The following PTPRJ variants were observed in gnomAD, a reference collection of about 807,000 sequenced individuals.
The protein encoded by PTPRJ is protein tyrosine phosphatase receptor type J.
A neutral mutation model predicts 141.3 loss-of-function variants in PTPRJ; 129 were observed. The ratio of observed to expected loss-of-function variants is 0.91; its 90% CI spans 0.79 to 1.06. PTPRJ has a LOEUF of 1.06. Ranked by LOEUF, PTPRJ falls within the 50% of genes least tolerant of loss-of-function variation. PTPRJ has a pLI of 0.00. For synonymous variants in PTPRJ, 610 were observed against 640.5 expected (o/e 0.95, Z 0.72); for missense variants, 1,601 against 1,679.7 (o/e 0.95, Z 0.82).
intron 3 of PTPRJ, among the ~76,000 whole-genome samples, chr11:48,115,846 C>CA (rs1224495382): frequency 1.3e-5 from 2 of 152,114 alleles, no homozygotes; most frequent in Admixed American, 6.5e-5. Context: ...TCAAAGTTGT[C>CA]ATCAGCATAA....
intron 8 of PTPRJ, chr11:48,132,745 A>T (rs1306687777): frequency 1.7e-5 from 16 of 964,224 alleles, no homozygotes; most frequent in Non-Finnish European, 1.8e-5. Context: ...TGAAACACAC[A>T]TGAAATGAGT....
intron 1 of PTPRJ, among the ~76,000 whole-genome samples, chr11:48,096,050 G>A (rs1323458660): frequency 6.6e-6 from 1 of 152,174 alleles, no homozygotes; most frequent in African/African-American, 2.4e-5. Context: ...ACTCAGCCCT[G>A]ACTCCCACAG....
chr11:47,989,342 C>T lies in PTPRJ; in HGVS notation c.96+8334C>T, dbSNP rs542182962. On this transcript the variant is annotated intron_variant, in intron 1 of 24. Transcript: ENST00000418331. ...AGTGCAATGGCGTGATCTTGGCTCA[C>T]TGCAACCTCCACCTCCCAGGTTCAA... is the stretch of plus-strand genomic sequence containing the variant. Among the ~76,000 whole-genome samples the T allele has an allele frequency of 8.9e-4, 135 of 151,566 alleles. 2 individuals carry two copies. In the Middle Eastern group the frequency reaches 0.01, roughly 12 times the overall value.
At position 48,076,750 on chromosome 11, in the gene PTPRJ, G is replaced by A. The variant is rs1476738477; in HGVS notation, c.97-33308G>A. Among the ~76,000 whole-genome samples the A allele has an allele frequency of 3.4e-5, 5 of 146,244 alleles. No individual in the cohort carries two copies. The South Asian group carries it at 6.4e-4, about 19-fold the overall frequency. ...AGGGGGAGGGTTACAAAATATCTGC[G>A]CCTTTAAGATATCAAACATAAGCCA... On this transcript the variant is annotated intron_variant, in intron 1 of 24. Coordinates refer to ENST00000418331, the MANE Select transcript of PTPRJ (RefSeq NM_002843.4).
intron 1 of PTPRJ, among the ~76,000 whole-genome samples, chr11:48,036,820 A>T (rs1448894805): frequency 6.6e-6 from 1 of 152,166 alleles, no homozygotes; most frequent in Non-Finnish European, 1.5e-5. Context: ...TCTCCCAGAG[A>T]AACCAGGCAG....
intron 1 of PTPRJ, among the ~76,000 whole-genome samples, chr11:48,028,896 T>C (rs1853900997): frequency 6.6e-6 from 1 of 152,194 alleles, no homozygotes; most frequent in African/African-American, 2.4e-5. Flanking sequence ...TTTAGATCCG[T>C]AGTGGAGAAA....
At chr11:47,994,449 G>GT (rs1198359611) in intron 1 of PTPRJ, among the ~76,000 whole-genome samples, 1 of 152,016 alleles carries the variant, frequency 6.6e-6, no homozygotes, top group Non-Finnish European at 1.5e-5. Context: ...GAGCTCAGGA[G>GT]TTAGAGACCA....
intron 1 of PTPRJ, among the ~76,000 whole-genome samples, chr11:48,062,071 ATT>A (rs915346609): frequency 1.1e-4 from 16 of 141,826 alleles, no homozygotes; most frequent in South Asian, 4.4e-4. Context: ...TGCCTGGCTA[ATT>A]TTTTTTTTTT....
chr11:48,008,949 G>A (rs561390639), intron 1 of PTPRJ, among the ~76,000 whole-genome samples: 9 of 152,174 alleles, frequency 5.9e-5, no homozygotes, highest in African/African-American at 1.9e-4. Context: ...TGGGGGGTGG[G>A]TTGGGAAAGG....
intron 1 of PTPRJ, among the ~76,000 whole-genome samples, chr11:48,086,131 A>G (rs1855700604): frequency 2.6e-5 from 4 of 152,240 alleles, no homozygotes; most frequent in African/African-American, 7.2e-5. Flanking sequence ...TGTAAAGCTG[A>G]ACAAGGGTTG....
rs1250915445 is a variant in PTPRJ, at chr11:48,159,131, G to GTC, written c.3439-798_3439-797insCT. On this transcript the variant is annotated intron_variant, in intron 21 of 24. Coordinates refer to ENST00000418331, the MANE Select transcript of PTPRJ (RefSeq NM_002843.4). The stretch of plus-strand genomic sequence containing the variant: ...GTGTGTGTGTATGTGGGGTGTGTGT[G>GTC]TGTGTGTGTGTGTGTGTGTGTGTGT... 1.0e-2 allele frequency among the ~76,000 whole-genome samples: 1,431 copies of GTC among 143,240 alleles called. 45 individuals carry two copies. Among genetic ancestry groups the GTC allele is most frequent in the Middle Eastern group, 0.018 (5 of 282 alleles). 94.0% of individuals were successfully genotyped at this position (143,240 alleles called of 152,430 possible).
chr11:48,093,276 T>C (rs143943690), intron 1 of PTPRJ, among the ~76,000 whole-genome samples: 2 of 152,352 alleles, frequency 1.3e-5, no homozygotes, highest in African/African-American at 4.8e-5. Flanking sequence ...TAAAAATATT[T>C]AGTAGAGTGG....
intron 1 of PTPRJ, among the ~76,000 whole-genome samples, chr11:48,068,827 G>A (rs950995514): frequency 6.6e-6 from 1 of 152,080 alleles, no homozygotes. Context: ...GCTCATGTGT[G>A]AAATGTAGAT....
intron 1 of PTPRJ, among the ~76,000 whole-genome samples, chr11:48,049,496 G>C (rs187630915): frequency 4.1e-4 from 60 of 146,410 alleles, no homozygotes; most frequent in African/African-American, 1.5e-3. Context: ...TGGCCAATGC[G>C]GTGAAACCCC....
chr11:48,022,705 AAG>A (rs1401098393), intron 1 of PTPRJ, among the ~76,000 whole-genome samples: 4 of 152,052 alleles, frequency 2.6e-5, no homozygotes, highest in Admixed American at 1.3e-4. Flanking sequence ...GACCAAGTGA[AAG>A]AGGCTTCTGG....
intron 8 of PTPRJ, among the ~76,000 whole-genome samples, chr11:48,134,492 A>C (rs750961257): frequency 1.2e-4 from 19 of 152,208 alleles, no homozygotes; most frequent in Non-Finnish European, 2.1e-4. Flanking sequence ...TAGGAAACAA[A>C]GGCTCCTCCC....
intron 1 of PTPRJ, among the ~76,000 whole-genome samples, chr11:48,037,788 G>T (rs1345765516): frequency 6.6e-6 from 1 of 152,046 alleles, no homozygotes; most frequent in Non-Finnish European, 1.5e-5. Context: ...ACTCCAGCCT[G>T]GGCAACAAGA....
In PTPRJ at chr11:48,121,137, A is replaced by G. The variant is rs759473798; in HGVS notation, c.487A>G (p.Ile163Val). Residue 163 changes from isoleucine to valine, a missense_variant, in exon 4 of 25, where the codon ATT becomes GTT. Coordinates refer to ENST00000418331, the MANE Select transcript of PTPRJ (RefSeq NM_002843.4). ...VKHKMENEKT[I>V]TVVHQPWCNI... ...GCATAAGATGGAAAATGAGAAGACA[A>G]TTACTGTTGTGCATCAACCATGGTG... is the stretch of plus-strand genomic sequence containing the variant. 17 of 1,614,078 alleles carry G rather than the reference A, an allele frequency of 1.1e-5. No individual in the cohort carries two copies. The Admixed American group carries it at 1.2e-4, about 11-fold the overall frequency.
At chr11:48,153,007 C>G (rs548761588) in intron 18 of PTPRJ, among the ~76,000 whole-genome samples, 1 of 152,154 alleles carries the variant, frequency 6.6e-6, no homozygotes, top group Admixed American at 6.5e-5. Context: ...ACCCATATCA[C>G]CTCTACATTT....
Sources: allele counts gnomAD v4.1 joint callset (sites outside exome capture counted in the v4.1 genomes callset), GRCh38; gene constraint gnomAD v4.1.1; transcripts MANE v1.5; gene names NCBI Gene and HGNC (gene_info 2026-07-23, HGNC 2026-07-21).